RBFOX1: variants seen among roughly 807,000 people sequenced by gnomAD.
RBFOX1 encodes the protein RNA binding fox-1 homolog 1, also known as RNA binding protein fox-1 homolog 1.
A neutral mutation model predicts 57.7 loss-of-function variants in RBFOX1; 8 were observed. That is an observed-to-expected ratio of 0.14 (90% CI 0.08 to 0.25). RBFOX1 has a LOEUF of 0.25. RBFOX1 is among the 10% of genes least tolerant of loss of function. The probability of loss-of-function intolerance (pLI) is 1.00; values close to 1 mark genes in which losing one functional copy is unlikely to be tolerated. For missense variants in RBFOX1, 611 were observed against 548.5 expected, an observed-to-expected ratio of 1.11 and a Z score of -1.14; for synonymous variants, 326 against 222.4, an observed-to-expected ratio of 1.47 and a Z score of -4.15.
intron 2 of RBFOX1, among the ~76,000 whole-genome samples, chr16:5,505,534 C>G (rs763377770): frequency 6.6e-6 from 1 of 152,162 alleles, no homozygotes; most frequent in Non-Finnish European, 1.5e-5. Flanking sequence ...AGCCCTGTCT[C>G]CTGCAGCCCC....
At position 6,360,917 on chromosome 16, in the gene RBFOX1, TCTTTA is replaced by T. The variant is rs1325601894; in HGVS notation, c.-64+43864_-64+43868del. On this transcript the variant is annotated intron_variant, in intron 2 of 15. Transcript: ENST00000550418. ...ACATTGTTTGAGCCGAAGACCGTTA[TCTTTA>T]CTTCAGGGGTGGTCCTTTCACATCT... Among the ~76,000 whole-genome samples, 10 of 151,490 alleles carry T rather than the reference TCTTTA, an allele frequency of 6.6e-5. 1 individual carries two copies. The highest frequency in any genetic ancestry group is 2.0e-4 in the Admixed American group (3 of 15,236).
intron 4 of RBFOX1, among the ~76,000 whole-genome samples, chr16:7,131,492 G>C (rs936590211): frequency 1.3e-5 from 2 of 151,256 alleles, no homozygotes; most frequent in Non-Finnish European, 2.9e-5. Context: ...TTATAGTTGA[G>C]GGAATGAGTA....
At chr16:5,766,698 C>T (rs1432757639) in intron 3 of RBFOX1, among the ~76,000 whole-genome samples, 2 of 152,158 alleles carry the variant, frequency 1.3e-5, no homozygotes, top group Admixed American at 6.5e-5. Flanking sequence ...ACATCTACCA[C>T]CTGGCCCCAC....
intron 3 of RBFOX1, among the ~76,000 whole-genome samples, chr16:6,896,624 G>T (rs1478021508): frequency 1.3e-5 from 2 of 152,184 alleles, no homozygotes. Flanking sequence ...GTAATCTGCG[G>T]ACGGTATTTC....
At chr16:6,659,607 A>T (rs1219727113) in intron 3 of RBFOX1, among the ~76,000 whole-genome samples, 1 of 152,132 alleles carries the variant, frequency 6.6e-6, no homozygotes, top group East Asian at 1.9e-4. Context: ...TGAGACCAGG[A>T]TTTAAGCTCA....
At chr16:6,606,746 C>T (rs1002289511) in intron 2 of RBFOX1, among the ~76,000 whole-genome samples, 1 of 152,158 alleles carries the variant, frequency 6.6e-6, no homozygotes, top group Non-Finnish European at 1.5e-5. Flanking sequence ...TTTTCTTTAT[C>T]TGGTCTATCA....
intron 4 of RBFOX1, among the ~76,000 whole-genome samples, chr16:7,069,289 A>G (rs67494224): frequency 0.13 from 20,170 of 152,164 alleles, 1,818 homozygotes; most frequent in South Asian, 0.27. Flanking sequence ...TGCACCTGTC[A>G]TCCCACCATC....
intron 1 of RBFOX1, among the ~76,000 whole-genome samples, chr16:5,360,833 C>A (rs1218104328): frequency 6.6e-6 from 1 of 152,104 alleles, no homozygotes; most frequent in Non-Finnish European, 1.5e-5. Context: ...CTCTTTCCTG[C>A]CCAGTTTTGA....
intron 3 of RBFOX1, among the ~76,000 whole-genome samples, chr16:5,782,739 T>G (rs2054364894): frequency 1.3e-5 from 2 of 152,304 alleles, no homozygotes; most frequent in South Asian, 4.1e-4. Flanking sequence ...TCCTACAACC[T>G]AACCAGCAAT....
chr16:6,669,942 C>T lies in RBFOX1; in HGVS notation c.-16+15292C>T, dbSNP rs192642540. On this transcript the variant is annotated intron_variant, in intron 3 of 15. Transcript: ENST00000550418. ...AGAATCCAGTCAAAGGAGTAACTTA[C>T]AAACTTCAAGTCCACCTGTCAAAAT... Among the ~76,000 whole-genome samples the T allele has an allele frequency of 5.9e-5, 9 of 152,312 alleles. No homozygotes were observed. The East Asian group carries it at 1.7e-3, about 29-fold the overall frequency.
chr16:6,391,979 C>T (rs896253464), intron 2 of RBFOX1, among the ~76,000 whole-genome samples: 4 of 152,120 alleles, frequency 2.6e-5, no homozygotes, highest in Non-Finnish European at 4.4e-5. Flanking sequence ...GCTGTAAAAG[C>T]TTTTGAAGAA....
rs145972185 is a variant in RBFOX1, at chr16:6,184,189, G to A, written c.-126-132806G>A. Among the ~76,000 whole-genome samples, 1,431 of 152,198 alleles carry A rather than the reference G, an allele frequency of 9.4e-3. 23 individuals are homozygous for A. The highest frequency in any genetic ancestry group is 0.033 in the African/African-American group (1,355 of 41,514). On this transcript the variant is annotated intron_variant, in intron 1 of 15. Coordinates refer to ENST00000550418, the MANE Select transcript of RBFOX1 (RefSeq NM_018723.4). ...CCCATGATTCAGTTACCTCCCATCCGGCTTCTCCCATAACATATGGGAATT... is the reference window on the plus strand; with the variant it reads ...CCCATGATTCAGTTACCTCCCATCCAGCTTCTCCCATAACATATGGGAATT...
rs2050469682 is a variant in RBFOX1 at position 5,685,229 on chromosome 16, T to C, written c.318+86268T>C. Among the ~76,000 whole-genome samples, 3 of 152,212 alleles carry C rather than the reference T, an allele frequency of 2.0e-5. 1 individual carries two copies. In the South Asian group the frequency reaches 6.2e-4, roughly 32 times the overall value. On this transcript the variant is annotated intron_variant, in intron 3 of 19. Transcript: ENST00000641259. ...CAACCTATTAAGGATATTATTGGCTTTTTTGATAGGACATCCAGAAATTGA... is the reference window on the plus strand; with the variant it reads ...CAACCTATTAAGGATATTATTGGCTCTTTTGATAGGACATCCAGAAATTGA...
At chr16:5,444,137 C>T (rs182872317) in intron 1 of RBFOX1, among the ~76,000 whole-genome samples, 1 of 152,266 alleles carries the variant, frequency 6.6e-6, no homozygotes, top group African/African-American at 2.4e-5. Flanking sequence ...ATTATAATCT[C>T]AAAATAAGAG....
intron 4 of RBFOX1, among the ~76,000 whole-genome samples, chr16:7,322,445 C>A (rs2096557654): frequency 6.6e-6 from 1 of 152,220 alleles, no homozygotes; most frequent in Non-Finnish European, 1.5e-5. Flanking sequence ...TAATATGAGC[C>A]CGCCTTAAGG....
chr16:6,125,293 A>T (rs143738387), intron 1 of RBFOX1, among the ~76,000 whole-genome samples: 2,925 of 152,198 alleles, frequency 0.019, 45 homozygotes, highest in Non-Finnish European at 0.033. Context: ...ATGGAGGAGG[A>T]TAGAGATGGA....
intron 3 of RBFOX1, among the ~76,000 whole-genome samples, chr16:6,899,534 G>C (rs774812315): frequency 1.3e-4 from 20 of 152,182 alleles, no homozygotes; most frequent in Non-Finnish European, 1.8e-4. Context: ...TTTATATTTA[G>C]AGACACCTGG....
intron 3 of RBFOX1, among the ~76,000 whole-genome samples, chr16:5,700,975 C>A (rs969380101): frequency 6.6e-6 from 1 of 152,132 alleles, no homozygotes; most frequent in Non-Finnish European, 1.5e-5. Context: ...CTACTACTTC[C>A]AAAAGGTAGA....
At chr16:7,040,683 T>C (rs1204813616) in intron 3 of RBFOX1, among the ~76,000 whole-genome samples, 8 of 152,160 alleles carry the variant, frequency 5.3e-5, no homozygotes, top group Non-Finnish European at 1.2e-4. Flanking sequence ...GTGTGTACCT[T>C]GTGTGTGTGC....
Sources: allele counts gnomAD v4.1 joint callset (sites outside exome capture counted in the v4.1 genomes callset), GRCh38; gene constraint gnomAD v4.1.1; transcripts MANE v1.5; gene names NCBI Gene and HGNC (gene_info 2026-07-23, HGNC 2026-07-21).